The following PXDNL variants were observed in gnomAD, a reference collection of about 807,000 sequenced individuals.
PXDNL encodes peroxidasin like.
Under a neutral mutation model 150.8 loss-of-function variants are expected in PXDNL, and 145 were observed. The ratio of observed to expected loss-of-function variants is 0.96; its 90% CI spans 0.84 to 1.10. PXDNL has a LOEUF of 1.10. Among genes scored for constraint, PXDNL ranks in the 50% least tolerant of loss-of-function variants. The pLI is 0.00. For missense variants in PXDNL, 2,087 were observed against 1,873.9 expected (o/e 1.11, Z -2.10); for synonymous variants, 757 against 725.7 (o/e 1.04, Z -0.69).
chr8:51,324,939 G>A (rs1174145894), intron 21 of PXDNL, among the ~76,000 whole-genome samples: 1 of 152,096 alleles, frequency 6.6e-6, no homozygotes, highest in Non-Finnish European at 1.5e-5. Context: ...TGCCCAGGCT[G>A]GAGTGCAGTG....
chr8:51,760,608 A>G (rs1032310263), intron 1 of PXDNL, among the ~76,000 whole-genome samples: 3 of 152,214 alleles, frequency 2.0e-5, no homozygotes, highest in Non-Finnish European at 4.4e-5. Flanking sequence ...CATCATTTAT[A>G]AAGCAGTTTT....
chr8:51,392,096 A>G (rs1009463089), intron 17 of PXDNL, among the ~76,000 whole-genome samples: 5 of 152,110 alleles, frequency 3.3e-5, no homozygotes, highest in Non-Finnish European at 7.3e-5. Context: ...CCATTGATCT[A>G]TATCTCTGTT....
At position 51,472,240 on chromosome 8, in the gene PXDNL, G is replaced by A. The variant is rs1476191204; in HGVS notation, c.759C>T (p.Phe253=). 2 of 1,613,812 alleles carry A rather than the reference G, an allele frequency of 1.2e-6. No individual in the cohort carries two copies. Among genetic ancestry groups the A allele is most frequent in the South Asian group, 1.1e-5 (1 of 91,074 alleles). Residue 253 remains phenylalanine, a synonymous_variant, in exon 8 of 23, where the codon TTC becomes TTT. Transcript: ENST00000356297. ...TGGGGTTTCCTTCCGCCCGGCAGGT[G>A]AAGTAGACGGTATTTCCTGATGGTA... ...VEVPSGNTVY[F]TCRAEGNPKP...
chr8:51,735,838 G>A (rs900753844), intron 1 of PXDNL, among the ~76,000 whole-genome samples: 3 of 152,016 alleles, frequency 2.0e-5, no homozygotes, highest in South Asian at 2.1e-4. Context: ...GAGCCACCGC[G>A]CCCGGCCTAA....
At chr8:51,737,643 C>T (rs980984256) in intron 1 of PXDNL, among the ~76,000 whole-genome samples, 30 of 152,186 alleles carry the variant, frequency 2.0e-4, no homozygotes, top group Non-Finnish European at 4.4e-5. Context: ...AAGACTTATT[C>T]ATTCTGCCTC....
intron 3 of PXDNL, among the ~76,000 whole-genome samples, chr8:51,581,247 G>C (rs956460320): frequency 2.6e-5 from 4 of 152,120 alleles, no homozygotes; most frequent in Non-Finnish European, 4.4e-5. Flanking sequence ...ATATGCTTGG[G>C]AGGCCAAGAC....
rs1309604664 is a variant in PXDNL at position 51,408,972 on chromosome 8, T to C, written c.2652A>G (p.Arg884=). The change falls in exon 17 of 23, where the codon CGA becomes CGG. Residue 884 remains arginine (R), a synonymous_variant. Coordinates refer to ENST00000356297, the MANE Select transcript of PXDNL (RefSeq NM_144651.5). ...AGGCTGTTTGCTGGTTGATCTGCTC[T>C]CGTGCATAGACTGAATCCACCGTCG... ...PSATVDSVYA[R]EQINQQTAYI... 1 of 1,612,340 alleles carries C rather than the reference T, an allele frequency of 6.2e-7. No individual in the cohort carries two copies. The highest frequency in any genetic ancestry group is 1.7e-5 in the Admixed American group (1 of 60,026).
intron 1 of PXDNL, among the ~76,000 whole-genome samples, chr8:51,776,592 C>T (rs532135760): frequency 6.6e-6 from 1 of 152,280 alleles, no homozygotes; most frequent in Non-Finnish European, 1.5e-5. Context: ...CTCTAACCCC[C>T]TCTTCTCAAT....
At chr8:51,357,037 G>A (rs1806530996) in intron 19 of PXDNL, among the ~76,000 whole-genome samples, 1 of 152,120 alleles carries the variant, frequency 6.6e-6, no homozygotes, top group Non-Finnish European at 1.5e-5. Context: ...CAACTTGTAA[G>A]TTGTTTTGAC....
In PXDNL at chr8:51,664,050, C is replaced by CAAA. The variant is rs59020717; in HGVS notation, c.165-9293_165-9291dup. On this transcript the variant is annotated intron_variant, in intron 1 of 22. Transcript: ENST00000356297. The stretch of plus-strand genomic sequence containing the variant: ...TGGGCAACAGAGCGAGACTCTGTCT[C>CAAA]AAAAAAAAAAAAAAAAAAGAGCGAG... Among the ~76,000 whole-genome samples, 634 of 79,068 alleles carry CAAA rather than the reference C, an allele frequency of 8.0e-3. 14 individuals are homozygous for CAAA. Among genetic ancestry groups the CAAA allele is most frequent in the African/African-American group, 0.021 (603 of 28,594 alleles). 51.9% of individuals were successfully genotyped at this position (79,068 alleles called of 152,430 possible).
At chr8:51,381,183 G>T (rs1349389328) in intron 17 of PXDNL, among the ~76,000 whole-genome samples, 1 of 152,124 alleles carries the variant, frequency 6.6e-6, no homozygotes, top group Non-Finnish European at 1.5e-5. Context: ...TTCCCTAAAT[G>T]ACTCCATGGG....
Position 51,453,598 on chromosome 8 carries a change from TTG to T in PXDNL, c.1168_1169del (p.Gln390ThrfsTer13), listed in dbSNP as rs1563418927. 1 of 1,613,992 alleles carries T rather than the reference TTG, an allele frequency of 6.2e-7. No homozygotes were observed. Among genetic ancestry groups the T allele is most frequent in the South Asian group, 1.1e-5 (1 of 91,084 alleles). On this transcript the variant is annotated frameshift_variant, in exon 10 of 23. Coordinates refer to ENST00000356297, the MANE Select transcript of PXDNL (RefSeq NM_144651.5). LOFTEE classifies it high-confidence loss of function. ...GACAGGTAAATCGACCATGATCCCG[TTG>T]TGTGATGTTCTGTAAGTAAAGTCCA... Reference protein sequence around the residue: ...SSGLYLQNITQRDHGRFTCHA... With the variant: ...SSGLYLQNITXRDHGRFTCHA...
chr8:51,451,520 T>C (rs1165985458), intron 10 of PXDNL, among the ~76,000 whole-genome samples: 1 of 152,212 alleles, frequency 6.6e-6, no homozygotes, highest in African/African-American at 2.4e-5. Flanking sequence ...TTTATTAAAA[T>C]CTAAAATTCT....
intron 17 of PXDNL, among the ~76,000 whole-genome samples, chr8:51,378,191 G>A (rs1365614193): frequency 2.0e-5 from 3 of 152,302 alleles, no homozygotes; most frequent in African/African-American, 4.8e-5. Flanking sequence ...CTCAAGGTCT[G>A]TAAATGCACC....
At chr8:51,585,449 C>G (rs1813302084) in intron 3 of PXDNL, among the ~76,000 whole-genome samples, 1 of 152,036 alleles carries the variant, frequency 6.6e-6, no homozygotes, top group African/African-American at 2.4e-5. Context: ...AATGGCACAC[C>G]AGGAACATGC....
chr8:51,608,017 GAA>G (rs376945614), intron 2 of PXDNL, among the ~76,000 whole-genome samples: 7,239 of 77,156 alleles, frequency 0.094, 872 homozygotes, highest in African/African-American at 0.25. Flanking sequence ...AAGAAAGAAA[GAA>G]AGAAAGAAAG....
At chr8:51,644,784 G>T (rs1814882166) in intron 2 of PXDNL, among the ~76,000 whole-genome samples, 1 of 151,896 alleles carries the variant, frequency 6.6e-6, no homozygotes, top group African/African-American at 2.4e-5. Flanking sequence ...AAAAATAAAA[G>T]CCTATAGTAG....
intron 4 of PXDNL, among the ~76,000 whole-genome samples, chr8:51,538,224 G>T (rs1211768250): frequency 6.6e-6 from 1 of 152,160 alleles, no homozygotes; most frequent in Non-Finnish European, 1.5e-5. Flanking sequence ...AGCCAAACAT[G>T]CACTTTGATT....
Position 51,613,484 on chromosome 8 carries a change from C to CGG in PXDNL, c.237-20788_237-20787dup, listed in dbSNP as rs113739338. ...GGGGAAACCTCACAGCTTAAGGGGGCGGGGGGGGGGCAGGGCGGCAGAGGG... is the reference window on the plus strand; with the variant it reads ...GGGGAAACCTCACAGCTTAAGGGGGCGGGGGGGGGGGGCAGGGCGGCAGAGGG... On this transcript the variant is annotated intron_variant, in intron 2 of 22. Coordinates refer to ENST00000356297, the MANE Select transcript of PXDNL (RefSeq NM_144651.5). Among the ~76,000 whole-genome samples, 144 of 34,378 alleles carry CGG rather than the reference C, an allele frequency of 4.2e-3. 1 individual carries two copies. In the Middle Eastern group the frequency reaches 0.068, roughly 16 times the overall value. The allele number at this position is 34,378 out of a possible 152,430, so 22.6% of individuals were successfully genotyped here. A position where few individuals can be genotyped will look rare whatever the true frequency, so the allele number is the denominator to read the frequency against.
Sources: gnomAD v4.1 joint callset for allele counts (sites outside exome capture counted in the v4.1 genomes callset) on GRCh38, gnomAD v4.1.1 for gene constraint, MANE v1.5 for transcripts, NCBI Gene and HGNC (gene_info 2026-07-23, HGNC 2026-07-21) for gene names.